The following TMEM132C variants were observed in gnomAD, a reference collection of about 807,000 sequenced individuals.
TMEM132C encodes the protein transmembrane protein 132C.
Under a neutral mutation model 61.4 loss-of-function variants are expected in TMEM132C, and 29 were observed. That is an observed-to-expected ratio of 0.47 (90% CI 0.35 to 0.64). The LOEUF is 0.64. Among genes scored for constraint, TMEM132C ranks in the 30% least tolerant of loss-of-function variants. TMEM132C has a pLI of 0.00. For synonymous variants in TMEM132C, 656 were observed against 633.1 expected (o/e 1.04, Z -0.54); for missense variants, 1,408 against 1,476.9 (o/e 0.95, Z 0.76).
At chr12:128,520,160 G>A in intron 2 of TMEM132C, among the ~76,000 whole-genome samples, 1 of 152,178 alleles carries the variant, frequency 6.6e-6, no homozygotes. Flanking sequence ...CCCCTCTTCA[G>A]TGCTCTCAGA....
chr12:128,639,991 GA>G (rs1210990960), intron 4 of TMEM132C, among the ~76,000 whole-genome samples: 2 of 152,188 alleles, frequency 1.3e-5, no homozygotes, highest in African/African-American at 2.4e-5. Flanking sequence ...AATAAATCCA[GA>G]TTCCTGACTT....
chr12:128,497,495 G>A (rs182087724), intron 2 of TMEM132C, among the ~76,000 whole-genome samples: 99 of 152,270 alleles, frequency 6.5e-4, no homozygotes, highest in Non-Finnish European at 9.9e-4. Context: ...CGAGCTTCCC[G>A]TCAGCTTTGT....
chr12:128,368,418 C>T (rs551342288), intron 1 of TMEM132C, among the ~76,000 whole-genome samples: 2 of 152,324 alleles, frequency 1.3e-5, no homozygotes, highest in South Asian at 4.1e-4. Flanking sequence ...ACTTTACCTA[C>T]TTAAACTTTC....
At chr12:128,460,488 C>A (rs2136068235) in intron 2 of TMEM132C, among the ~76,000 whole-genome samples, 1 of 152,266 alleles carries the variant, frequency 6.6e-6, no homozygotes, top group South Asian at 2.1e-4. Context: ...TGAACCAATT[C>A]CTGTGAATGA....
intron 2 of TMEM132C, among the ~76,000 whole-genome samples, chr12:128,513,092 A>C (rs1872617255): frequency 6.6e-6 from 1 of 152,184 alleles, no homozygotes; most frequent in African/African-American, 2.4e-5. Context: ...AGGGGAAGAC[A>C]GAAGAAAGCA....
At chr12:128,633,350 A>G (rs1954077584) in intron 4 of TMEM132C, among the ~76,000 whole-genome samples, 1 of 152,208 alleles carries the variant, frequency 6.6e-6, no homozygotes, top group Non-Finnish European at 1.5e-5. Flanking sequence ...TACTGAGGAC[A>G]GGGATTACTG....
intron 2 of TMEM132C, among the ~76,000 whole-genome samples, chr12:128,454,577 T>C (rs888552435): frequency 5.3e-5 from 8 of 152,336 alleles, no homozygotes; most frequent in African/African-American, 1.9e-4. Context: ...GGGTCTCCCA[T>C]GAGGGAGGAT....
chr12:128,693,796 TCTC>T (rs765200873), intron 5 of TMEM132C, 30 bp from the exon 6 acceptor site: 18 of 1,550,496 alleles, frequency 1.2e-5, no homozygotes, highest in East Asian at 2.4e-5. Context: ...TCCATGAACT[TCTC>T]CTCCATCCTT....
intron 1 of TMEM132C, among the ~76,000 whole-genome samples, chr12:128,413,298 C>CAAAAAAAAAAAAAAAAAAAAAAAAA (rs56026776): frequency 1.7e-5 from 1 of 60,574 alleles, no homozygotes; most frequent in Non-Finnish European, 2.7e-5. Flanking sequence ...GACTCTGTCT[C>CAAAAAAAAAAAAAAAAAAAAAAAAA]AAAAAAAAAA....
At chr12:128,370,144 T>C (rs913720435) in intron 1 of TMEM132C, among the ~76,000 whole-genome samples, 1 of 152,158 alleles carries the variant, frequency 6.6e-6, no homozygotes, top group Non-Finnish European at 1.5e-5. Flanking sequence ...GGGCCTGAGC[T>C]TAGATGGGCA....
intron 1 of TMEM132C, among the ~76,000 whole-genome samples, chr12:128,315,056 C>A (rs928954712): frequency 2.6e-5 from 4 of 152,022 alleles, no homozygotes; most frequent in African/African-American, 9.7e-5. Flanking sequence ...AGGCAGGTTG[C>A]GATGGGAAGT....
intron 1 of TMEM132C, among the ~76,000 whole-genome samples, chr12:128,341,190 C>T (rs1271266518): frequency 6.6e-6 from 1 of 152,150 alleles, no homozygotes; most frequent in Non-Finnish European, 1.5e-5. Context: ...ATCCAACCAC[C>T]TCGGCCTCCC....
At position 128,507,163 on chromosome 12, in the gene TMEM132C, C is replaced by CA. The variant is rs748732106; in HGVS notation, c.975-36788dup. The stretch of plus-strand genomic sequence containing the variant: ...GAGTTGGGTTTCTGCTGCTTACAAC[C>CA]AAAAAATCCCTGACCAACCCAGGCT... On this transcript the variant is annotated intron_variant, in intron 2 of 8. Transcript: ENST00000435159. 1.3e-3 allele frequency among the ~76,000 whole-genome samples: 203 copies of CA among 152,142 alleles called. 1 individual carries two copies. The highest frequency in any genetic ancestry group is 2.4e-3 in the Non-Finnish European group (161 of 67,980).
chr12:128,538,744 C>T (rs1316393102), intron 2 of TMEM132C, among the ~76,000 whole-genome samples: 2 of 152,114 alleles, frequency 1.3e-5, no homozygotes, highest in Admixed American at 1.3e-4. Flanking sequence ...TAGGCAATAT[C>T]TATAAATTTC....
At chr12:128,479,666 C>T (rs1871262054) in intron 2 of TMEM132C, among the ~76,000 whole-genome samples, 1 of 152,162 alleles carries the variant, frequency 6.6e-6, no homozygotes, top group Non-Finnish European at 1.5e-5. Flanking sequence ...GAAATCAAAA[C>T]CATTTACTAT....
At chr12:128,325,180 C>T (rs1318544885) in intron 1 of TMEM132C, among the ~76,000 whole-genome samples, 3 of 152,162 alleles carry the variant, frequency 2.0e-5, no homozygotes, top group Admixed American at 6.6e-5. Context: ...TTTATTGTCA[C>T]AGTAAGTGCT....
intron 4 of TMEM132C, among the ~76,000 whole-genome samples, chr12:128,631,714 C>A (rs531536639): frequency 6.6e-6 from 1 of 152,150 alleles, no homozygotes; most frequent in South Asian, 2.1e-4. Flanking sequence ...TTTAGCCTAG[C>A]CATTTGTCTC....
At chr12:128,402,262 GTA>G (rs1205449424) in intron 1 of TMEM132C, among the ~76,000 whole-genome samples, 2 of 152,088 alleles carry the variant, frequency 1.3e-5, no homozygotes, top group Admixed American at 1.3e-4. Flanking sequence ...AAGTTCATGG[GTA>G]TATGTGAGGG....
intron 4 of TMEM132C, among the ~76,000 whole-genome samples, chr12:128,633,169 G>A (rs1041294647): frequency 6.6e-6 from 1 of 152,152 alleles, no homozygotes; most frequent in African/African-American, 2.4e-5. Flanking sequence ...TTCCTCCCAA[G>A]CAGGCCGCAT....
Sources: allele counts gnomAD v4.1 joint callset (sites outside exome capture counted in the v4.1 genomes callset), GRCh38; gene constraint gnomAD v4.1.1; transcripts MANE v1.5; gene names NCBI Gene and HGNC (gene_info 2026-07-23, HGNC 2026-07-21).